Variants in LPP observed in about 807,000 individuals in gnomAD.
LPP encodes the protein LIM domain containing preferred translocation partner in lipoma.
In LPP, 38 loss-of-function variants were observed where a neutral mutation model predicts 60.4. The ratio of observed to expected loss-of-function variants is 0.63; its 90% CI spans 0.49 to 0.83. The LOEUF (loss-of-function observed/expected upper bound fraction) is 0.83. LPP is among the 40% of genes least tolerant of loss of function. The pLI, the probability that LPP is intolerant of heterozygous loss-of-function variation, is 0.00. For missense variants in LPP, 902 were observed against 783.6 expected (o/e 1.15, Z -1.80); for synonymous variants, 328 against 290.8 (o/e 1.13, Z -1.30).
chr3:188,311,528 T>TAAACC (rs1753430409), intron 2 of LPP, among the ~76,000 whole-genome samples: 1 of 142,668 alleles, frequency 7.0e-6, no homozygotes. Flanking sequence ...TAAACTAAAC[T>TAAACC]AAAAGTAAGA....
intron 2 of LPP, among the ~76,000 whole-genome samples, chr3:188,337,790 G>A (rs910858908): frequency 1.3e-5 from 2 of 152,114 alleles, no homozygotes; most frequent in East Asian, 1.9e-4. Flanking sequence ...ACGAACCATC[G>A]TGCCTGGCCC....
rs1400672820 is a variant in LPP, at chr3:188,825,267, CTCTGTGTGTGTGTGTGTGTG to C, written c.1411-40931_1411-40912del. Among the ~76,000 whole-genome samples, 507 of 99,016 alleles carry C rather than the reference CTCTGTGTGTGTGTGTGTGTG, an allele frequency of 5.1e-3. 4 individuals carry two copies. Among genetic ancestry groups the C allele is most frequent in the African/African-American group, 0.017 (482 of 28,156 alleles). The allele number at this position is 99,016 out of a possible 152,430, so 65.0% of individuals were successfully genotyped here. On this transcript the variant is annotated intron_variant, in intron 9 of 11. Coordinates refer to ENST00000617246, the MANE Select transcript of LPP (RefSeq NM_001375462.1). ...TTTCTTTCTCTCTCTCTCTCTCTCTCTCTGTGTGTGTGTGTGTGTGTGTGTGTGTGTGTGTGTGTGTGTGT... is the reference window on the plus strand; with the variant it reads ...TTTCTTTCTCTCTCTCTCTCTCTCTCTGTGTGTGTGTGTGTGTGTGTGTGT...
rs760166726 is a variant in LPP at position 188,609,637 on chromosome 3, A to G, written c.906A>G (p.Ala302=). The change falls in exon 7 of 12, where the codon GCA becomes GCG. Residue 302 remains alanine, a synonymous_variant. Transcript: ENST00000617246. The surrounding 1 kb of genome is among the most constrained non-coding windows in gnomAD (Gnocchi z 6.9). ...NQGRYYEGYY[A]AGPGYGGRND... ...GACGCTATTATGAAGGCTACTATGC[A>G]GCAGGGCCAGGCTATGGGGGCAGAA... 79 of 1,614,152 alleles carry G rather than the reference A, an allele frequency of 4.9e-5. No individual in the cohort carries two copies. Among genetic ancestry groups the G allele is most frequent in the Middle Eastern group, 3.3e-4 (2 of 6,060 alleles).
chr3:188,478,670 A>G (rs566150448), intron 4 of LPP, among the ~76,000 whole-genome samples: 1 of 152,182 alleles, frequency 6.6e-6, no homozygotes, highest in South Asian at 2.1e-4. Flanking sequence ...TTTGTGTTTT[A>G]AGTTTTTGGA....
intron 9 of LPP, among the ~76,000 whole-genome samples, chr3:188,789,552 C>T (rs1327823778): frequency 6.6e-6 from 1 of 152,180 alleles, no homozygotes; most frequent in African/African-American, 2.4e-5. Flanking sequence ...AATAAATCTT[C>T]CTAACATACA....
At chr3:188,687,316 T>G (rs185420372) in intron 7 of LPP, among the ~76,000 whole-genome samples, 343 of 152,226 alleles carry the variant, frequency 2.3e-3, no homozygotes, top group Non-Finnish European at 3.5e-3. Context: ...AATTTGGGAG[T>G]GTCCCCCACT....
chr3:188,811,394 G>C (rs1050489934), intron 9 of LPP, among the ~76,000 whole-genome samples: 2 of 145,876 alleles, frequency 1.4e-5, no homozygotes, highest in South Asian at 4.3e-4. Flanking sequence ...ACGCACACAC[G>C]CTCAAAGAGT....
At chr3:188,666,468 A>C (rs1855822576) in intron 7 of LPP, among the ~76,000 whole-genome samples, 1 of 152,240 alleles carries the variant, frequency 6.6e-6, no homozygotes, top group Admixed American at 6.5e-5. Context: ...TAGAAAGAAT[A>C]AGAAACTGTA....
At chr3:188,837,226 A>G (rs1408310498) in intron 9 of LPP, among the ~76,000 whole-genome samples, 1 of 151,714 alleles carries the variant, frequency 6.6e-6, no homozygotes, top group Non-Finnish European at 1.5e-5. Flanking sequence ...TAAAAATACA[A>G]AAATTAGCCA....
chr3:188,429,532 T>C (rs912611800), intron 4 of LPP, among the ~76,000 whole-genome samples: 1 of 152,198 alleles, frequency 6.6e-6, no homozygotes, highest in African/African-American at 2.4e-5. Context: ...CATCATCCAT[T>C]TTACTTTAGA....
chr3:188,667,740 A>C (rs929347468), intron 7 of LPP, among the ~76,000 whole-genome samples: 5 of 149,358 alleles, frequency 3.3e-5, no homozygotes, highest in African/African-American at 1.2e-4. Context: ...AGTGAGACTG[A>C]TTTAGTCCAC....
chr3:188,635,491 C>A (rs1223723870), intron 7 of LPP, among the ~76,000 whole-genome samples: 2 of 152,160 alleles, frequency 1.3e-5, no homozygotes, highest in African/African-American at 4.8e-5. Flanking sequence ...CATGCTCAGA[C>A]AAGGCGTTCC....
rs1770061261 is a variant in LPP, at chr3:188,881,813, C to CT, written c.*7337dup. 1 of 217,218 alleles carries CT rather than the reference C, an allele frequency of 4.6e-6. No homozygotes were observed. The highest frequency in any genetic ancestry group is 9.3e-6 in the Non-Finnish European group (1 of 108,096). The allele number at this position is 217,218 out of a possible 1,614,324, so 13.5% of individuals were successfully genotyped here. On this transcript the variant is annotated 3_prime_UTR_variant, in exon 12 of 12. Transcript: ENST00000617246. ...CATATTTTCATATTAAATATTAACACTTTATAGGTTCTACTTTAATATATG... is the reference window on the plus strand; with the variant it reads ...CATATTTTCATATTAAATATTAACACTTTTATAGGTTCTACTTTAATATATG...
intron 2 of LPP, among the ~76,000 whole-genome samples, chr3:188,240,468 A>G (rs1577479539): frequency 1.3e-5 from 2 of 152,044 alleles, no homozygotes; most frequent in Admixed American, 6.6e-5. Flanking sequence ...TAGGCACAGA[A>G]TTTCTGAGTT....
intron 9 of LPP, among the ~76,000 whole-genome samples, chr3:188,816,295 G>A (rs1419391135): frequency 2.8e-5 from 4 of 143,178 alleles, no homozygotes; most frequent in South Asian, 4.6e-4. Context: ...TCCACCTCCC[G>A]GGTTCACACC....
chr3:188,663,398 G>A (rs1197395455), intron 7 of LPP, among the ~76,000 whole-genome samples: 1 of 152,132 alleles, frequency 6.6e-6, no homozygotes, highest in South Asian at 2.1e-4. Flanking sequence ...CCACAGGAGG[G>A]TTTATTTTTG....
intron 3 of LPP, among the ~76,000 whole-genome samples, chr3:188,380,097 G>A (rs1463053465): frequency 6.6e-6 from 1 of 152,186 alleles, no homozygotes; most frequent in Non-Finnish European, 1.5e-5. Flanking sequence ...CAGGTTGGTA[G>A]TGGAGAACCA....
At position 188,623,344 on chromosome 3, in the gene LPP, G is replaced by A. The variant is rs150694653; in HGVS notation, c.1113+13500G>A. On this transcript the variant is annotated intron_variant, in intron 7 of 11. Coordinates refer to ENST00000617246, the MANE Select transcript of LPP (RefSeq NM_001375462.1). Reference sequence around the variant, plus strand: ...ACAATCTCAGCTCACTTCAACCTCCGCCTCCCAGGTTCAGGTGATTCTCCC... The same window carrying A: ...ACAATCTCAGCTCACTTCAACCTCCACCTCCCAGGTTCAGGTGATTCTCCC... 5.2e-3 allele frequency among the ~76,000 whole-genome samples: 769 copies of A among 147,492 alleles called. 5 individuals are homozygous for A. Among genetic ancestry groups the A allele is most frequent in the African/African-American group, 0.018 (728 of 40,072 alleles).
chr3:188,795,570 G>A (rs1043032360), intron 9 of LPP, among the ~76,000 whole-genome samples: 3 of 152,162 alleles, frequency 2.0e-5, no homozygotes, highest in African/African-American at 7.2e-5. Flanking sequence ...ATATTCTATT[G>A]GCTGGGGCTC....
Sources: gnomAD v4.1 joint callset for allele counts (sites outside exome capture counted in the v4.1 genomes callset) on GRCh38, gnomAD v4.1.1 for gene constraint, Gnocchi (gnomAD v3.1) non-coding constraint, MANE v1.5 for transcripts, NCBI Gene and HGNC (gene_info 2026-07-23, HGNC 2026-07-21) for gene names.